Variants in TLL1 observed in about 807,000 individuals in gnomAD.
The protein encoded by TLL1 is tolloid-like protein 1.
Under a neutral mutation model 128.2 loss-of-function variants are expected in TLL1, and 49 were observed. The ratio of observed to expected loss-of-function variants is 0.38; its 90% CI spans 0.30 to 0.48. TLL1 has a LOEUF of 0.48. Among genes scored for constraint, TLL1 ranks in the 20% least tolerant of loss-of-function variants. TLL1 has a pLI of 0.96. For missense variants in TLL1, 1,123 were observed against 1,242.0 expected (o/e 0.90, Z 1.44); for synonymous variants, 454 against 418.8 (o/e 1.08, Z -1.03).
intron 1 of TLL1, among the ~76,000 whole-genome samples, chr4:165,952,637 A>T (rs1196168047): frequency 6.6e-6 from 1 of 152,114 alleles, no homozygotes; most frequent in Admixed American, 6.6e-5. Flanking sequence ...ATAGCCCCAG[A>T]ATAGTGTACT....
intron 17 of TLL1, among the ~76,000 whole-genome samples, chr4:166,076,625 G>A (rs776313655): frequency 5.5e-4 from 84 of 152,090 alleles, no homozygotes; most frequent in Admixed American, 1.6e-3. Context: ...GTGCAGTTTA[G>A]CAATGAGCCT....
rs1423737162 is a variant in TLL1 at position 165,873,868 on chromosome 4, T to C, written c.-37T>C. 6.2e-7 allele frequency: 1 copy of C among 1,612,198 alleles called. No homozygotes were observed. Among genetic ancestry groups the C allele is most frequent in the South Asian group, 1.1e-5 (1 of 90,968 alleles). ...GCGCGGACCGCGGCTGCCTAACCTCTGGGTCCCGTCCCCTCCTTTTCCTCC... is the reference window on the plus strand; with the variant it reads ...GCGCGGACCGCGGCTGCCTAACCTCCGGGTCCCGTCCCCTCCTTTTCCTCC... On this transcript the variant is annotated 5_prime_UTR_variant, in exon 1 of 21. Coordinates refer to ENST00000061240, the MANE Select transcript of TLL1 (RefSeq NM_012464.5).
In TLL1 at chr4:165,999,004, G is replaced by A. The variant is rs115585979; in HGVS notation, c.632+3826G>A. ...ACTGGCTAACTTAAGCAGAAAAAAC[G>A]ATTTATTAGAAGGTCCTCGTCTCCA... On this transcript the variant is annotated intron_variant, in intron 5 of 20. Coordinates refer to ENST00000061240, the MANE Select transcript of TLL1 (RefSeq NM_012464.5). 6.7e-3 allele frequency among the ~76,000 whole-genome samples: 1,013 copies of A among 152,180 alleles called. 11 individuals carry two copies. The highest frequency in any genetic ancestry group is 0.023 in the African/African-American group (957 of 41,496).
intron 1 of TLL1, among the ~76,000 whole-genome samples, chr4:165,956,921 C>A (rs1734829423): frequency 6.6e-6 from 1 of 152,054 alleles, no homozygotes; most frequent in South Asian, 2.1e-4. Context: ...AAGTACATAG[C>A]CCACAGACCC....
In TLL1 at chr4:166,099,283, G is replaced by C. The variant is rs550988599; in HGVS notation, c.2663G>C (p.Gly888Ala). Residue 888 changes from glycine to alanine, a missense_variant, in exon 20 of 21, where the codon GGC becomes GCC. By Grantham distance (60) the Gly-to-Ala change is moderately conservative. Coordinates refer to ENST00000061240, the MANE Select transcript of TLL1 (RefSeq NM_012464.5). ...GFQATHSTEC[G>A]GRLKAESKPR... The stretch of plus-strand genomic sequence containing the variant: ...ATTTTTCTTTCCTGGGCAGAGTGTG[G>C]CGGACGATTGAAAGCAGAATCAAAA... 3 of 1,613,484 alleles carry C rather than the reference G, an allele frequency of 1.9e-6. No individual in the cohort carries two copies. Among genetic ancestry groups the C allele is most frequent in the Non-Finnish European group, 2.5e-6 (3 of 1,179,602 alleles).
intron 12 of TLL1, among the ~76,000 whole-genome samples, chr4:166,051,379 A>G (rs1171556302): frequency 3.1e-5 from 4 of 130,584 alleles, no homozygotes; most frequent in East Asian, 2.2e-4. Flanking sequence ...CATTCTTTCT[A>G]TAAATCATCG....
At chr4:165,947,197 C>G (rs1221369749) in intron 1 of TLL1, among the ~76,000 whole-genome samples, 1 of 152,062 alleles carries the variant, frequency 6.6e-6, no homozygotes, top group Non-Finnish European at 1.5e-5. Context: ...ATGACCTTTT[C>G]TTTGTGTGAG....
rs138741312 is a variant in TLL1 at position 165,929,603 on chromosome 4, G to A, written c.169+55530G>A. ...CCTCAGCAAATCTGACTTTTCTCAG[G>A]AGAAGGGAGTTTAAGTGGAATAGCT... On this transcript the variant is annotated intron_variant, in intron 1 of 20. Transcript: ENST00000061240. Among the ~76,000 whole-genome samples, 105 of 151,992 alleles carry A rather than the reference G, an allele frequency of 6.9e-4. 3 individuals are homozygous for A. The East Asian group carries it at 0.02, about 29-fold the overall frequency.
intron 16 of TLL1, among the ~76,000 whole-genome samples, chr4:166,073,587 C>A (rs773099780): frequency 7.9e-5 from 12 of 152,036 alleles, no homozygotes; most frequent in Non-Finnish European, 1.6e-4. Flanking sequence ...CACAAATACA[C>A]TAATTATGAT....
intron 1 of TLL1, among the ~76,000 whole-genome samples, chr4:165,957,052 C>T (rs527905554): frequency 3.9e-5 from 6 of 152,034 alleles, no homozygotes; most frequent in Admixed American, 6.6e-5. Context: ...TTAAAAGGCA[C>T]GGAGTGGCAA....
In TLL1 at chr4:165,977,548, A is replaced by C. The variant is rs17047163; in HGVS notation, c.170-11833A>C. 7.0e-3 allele frequency among the ~76,000 whole-genome samples: 1,070 copies of C among 152,296 alleles called. 12 individuals are homozygous for C. The highest frequency in any genetic ancestry group is 0.024 in the African/African-American group (1,018 of 41,562). ...AATAGTCAACTATTTTTATGGTCTC[A>C]GGAAAAGATATGTTGCTTAAATTGG... is the stretch of plus-strand genomic sequence containing the variant. On this transcript the variant is annotated intron_variant, in intron 1 of 20. Transcript: ENST00000061240.
intron 9 of TLL1, among the ~76,000 whole-genome samples, chr4:166,027,218 A>C (rs931677438): frequency 6.6e-6 from 1 of 152,136 alleles, no homozygotes; most frequent in African/African-American, 2.4e-5. Context: ...CATGGGAGTA[A>C]TAGACACTGA....
At chr4:165,952,727 C>T (rs1456882032) in intron 1 of TLL1, among the ~76,000 whole-genome samples, 1 of 152,034 alleles carries the variant, frequency 6.6e-6, no homozygotes, top group Non-Finnish European at 1.5e-5. Context: ...AAAATTGGCA[C>T]TGCCAAAATA....
chr4:165,940,581 G>A (rs560299273), intron 1 of TLL1, among the ~76,000 whole-genome samples: 20 of 151,974 alleles, frequency 1.3e-4, no homozygotes, highest in African/African-American at 4.1e-4. Flanking sequence ...GGCTGAATTC[G>A]TTATATGAAA....
intron 1 of TLL1, among the ~76,000 whole-genome samples, chr4:165,971,862 C>G (rs1735642987): frequency 6.6e-6 from 1 of 152,162 alleles, no homozygotes; most frequent in Admixed American, 6.5e-5. Context: ...TGGAATTCAG[C>G]AGGACTTTGT....
chr4:165,940,775 TAGAG>T (rs893356798), intron 1 of TLL1, among the ~76,000 whole-genome samples: 1 of 151,978 alleles, frequency 6.6e-6, no homozygotes, highest in Non-Finnish European at 1.5e-5. Context: ...TCAATTTTAT[TAGAG>T]AGCAGAATGC....
At chr4:165,889,786 A>G (rs1167539843) in intron 1 of TLL1, among the ~76,000 whole-genome samples, 1 of 152,194 alleles carries the variant, frequency 6.6e-6, no homozygotes, top group African/African-American at 2.4e-5. Context: ...TTTTTTGAAA[A>G]CAATTAATAA....
At chr4:166,035,204 GT>G (rs1447976118) in intron 9 of TLL1, among the ~76,000 whole-genome samples, 2 of 152,156 alleles carry the variant, frequency 1.3e-5, no homozygotes, top group East Asian at 3.8e-4. Context: ...TATCACATAG[GT>G]TTAAGCAGAA....
chr4:165,917,405 A>G (rs1732832375), intron 1 of TLL1, among the ~76,000 whole-genome samples: 1 of 152,104 alleles, frequency 6.6e-6, no homozygotes, highest in African/African-American at 2.4e-5. Context: ...AAGTTACTAA[A>G]CTTCTTTGAG....
Sources: allele counts gnomAD v4.1 joint callset (sites outside exome capture counted in the v4.1 genomes callset), GRCh38; gene constraint gnomAD v4.1.1; transcripts MANE v1.5; gene names NCBI Gene and HGNC (gene_info 2026-07-23, HGNC 2026-07-21).